The following HPS5 variants were observed in gnomAD, a reference collection of about 807,000 sequenced individuals.
The protein encoded by HPS5 is HPS5 biogenesis of lysosomal organelles complex 2 subunit 2, also known as BLOC-2 complex member HPS5.
A neutral mutation model predicts 128.0 loss-of-function variants in HPS5; 83 were observed. That is an observed-to-expected ratio of 0.65 (90% confidence interval 0.54 to 0.78). The LOEUF is 0.78. HPS5 is among the 30% of genes least tolerant of loss of function. The pLI, the probability that HPS5 is intolerant of heterozygous loss-of-function variation, is 0.00. For synonymous variants in HPS5, 475 were observed against 470.2 expected, an observed-to-expected ratio of 1.01 and a Z score of -0.13; for missense variants, 1,281 against 1,326.2, an observed-to-expected ratio of 0.97 and a Z score of 0.53.
chr11:18,296,800 T>C lies in HPS5; in HGVS notation c.1508A>G (p.Glu503Gly), dbSNP rs1463259855. The change falls in exon 12 of 23, where the codon GAA (glutamate) becomes GGA (glycine). Residue 503 changes from glutamate to glycine, a missense_variant and splice_region_variant. Physicochemically the swap from Glu to Gly is moderately conservative, Grantham distance 98. Transcript: ENST00000349215. The stretch of plus-strand genomic sequence containing the variant: ...CCAACAACAGACACATTCATCACCT[T>C]CATTTCCGTGTGAGCCACAACACTG... ...PDQCCGSHGN[E>G]DNVSHAPVMF... 1 of 1,614,042 alleles carries C rather than the reference T, an allele frequency of 6.2e-7. No homozygotes were observed. Among genetic ancestry groups the C allele is most frequent in the Admixed American group, 1.7e-5 (1 of 60,020 alleles).
Position 18,310,849 on chromosome 11 carries a change from G to A in HPS5, c.369C>T (p.Gly123=). ...CCCAGCAGAGAGCTGTGACTCTTCG[G>A]CCTTTGTGTTCTGAAGACACATACA... The part of the protein sequence containing the change: ...EQMYVSSEHK[G]RRVTALCWDT... The change falls in exon 5 of 23, where the codon GGC becomes GGT. Residue 123 remains glycine (G), a synonymous_variant. Coordinates refer to ENST00000349215, the MANE Select transcript of HPS5 (RefSeq NM_181507.2). 6.2e-7 allele frequency: 1 copy of A among 1,612,570 alleles called. No homozygotes were observed. The highest frequency in any genetic ancestry group is 1.1e-5 in the South Asian group (1 of 90,980).
At chr11:18,283,730 G>A in intron 21 of HPS5, 65 bp downstream of exon 21, 2 of 1,102,334 alleles carry the variant, frequency 1.8e-6, no homozygotes, top group South Asian at 1.3e-5. Flanking sequence ...AAATTTTTTT[G>A]TTGAGAGGTC....
At chr11:18,308,486 GCTCT>G (rs528161802) in intron 6 of HPS5, among the ~76,000 whole-genome samples, 70 of 152,158 alleles carry the variant, frequency 4.6e-4, no homozygotes, top group African/African-American at 1.6e-3. Context: ...CCTCCTCTCT[GCTCT>G]CTAACATCAG....
At chr11:18,306,428 A>G (rs992423254) in intron 6 of HPS5, 81 bp from the exon 7 acceptor site, 7 of 848,606 alleles carry the variant, frequency 8.2e-6, no homozygotes, top group Admixed American at 2.0e-5. Flanking sequence ...CAGCATGGGC[A>G]TAATAACTCC....
chr11:18,318,588 G>A (rs186879322), intron 1 of HPS5, among the ~76,000 whole-genome samples: 67 of 152,248 alleles, frequency 4.4e-4, no homozygotes, highest in Middle Eastern at 3.4e-3. Flanking sequence ...AAAGTAACAC[G>A]AAAGTTTTTA....
rs1862669591 is a variant in HPS5, at chr11:18,309,012, A to G, written c.545T>C (p.Leu182Ser). The change falls in exon 6 of 23, where the codon TTA becomes TCA. Residue 182 changes from leucine to serine, a missense_variant. Transcript: ENST00000349215. ...AAGTAGCCTTCCATCCAAATAATCT[A>G]ACTGTACAACACAGGAGTCAACAGT... ...ITTVDSCVVQ[L>S]DYLDGRLLIS... The G allele has an allele frequency of 6.2e-7, 1 of 1,613,920 alleles. No homozygotes were observed. The highest frequency in any genetic ancestry group is 8.5e-7 in the Non-Finnish European group (1 of 1,179,802).
chr11:18,307,484 A>G (rs1370131337), intron 6 of HPS5, among the ~76,000 whole-genome samples: 2 of 152,166 alleles, frequency 1.3e-5, no homozygotes, highest in Non-Finnish European at 2.9e-5. Context: ...TATATTTTCT[A>G]TGGTACCTAA....
intron 11 of HPS5, 123 bp downstream of exon 11, chr11:18,297,436 C>T: frequency 1.2e-6 from 1 of 857,118 alleles, no homozygotes; most frequent in Non-Finnish European, 1.9e-6. Flanking sequence ...AAAAGTTCAC[C>T]CCTTCCCACC....
chr11:18,292,948 G>A lies in HPS5; in HGVS notation c.1813C>T (p.Pro605Ser), dbSNP rs1201025813. 1.2e-6 allele frequency: 2 copies of A among 1,613,876 alleles called. No homozygotes were observed. The highest frequency in any genetic ancestry group is 1.7e-6 in the Non-Finnish European group (2 of 1,179,916). Residue 605 changes from proline (P) to serine (S), a missense_variant, in exon 15 of 23, where the codon CCA (proline) becomes TCA (serine). By Grantham distance (74) the Pro-to-Ser change is moderately conservative. Coordinates refer to ENST00000349215, the MANE Select transcript of HPS5 (RefSeq NM_181507.2). ...EEEKEVTSPPPEEDRFQELKV... is the reference protein window; with the variant it reads ...EEEKEVTSPPSEEDRFQELKV... ...AGCTCCTGGAACCTGTCTTCTTCTG[G>A]AGGTGGACTAGTTACCTCTTTTTCC...
intron 21 of HPS5, 47 bp from the exon 22 acceptor site, chr11:18,282,267 G>A (rs1376111391): frequency 3.1e-6 from 5 of 1,606,196 alleles, no homozygotes; most frequent in Non-Finnish European, 4.3e-6. Flanking sequence ...TTAGCACACT[G>A]ACTGGATACA....
chr11:18,305,358 G>C, intron 8 of HPS5, 64 bp downstream of exon 8: 1 of 1,102,266 alleles, frequency 9.1e-7, no homozygotes, highest in Non-Finnish European at 1.4e-6. Flanking sequence ...TTCTGAACAA[G>C]AAACAGAGAT....
intron 1 of HPS5, 27 bp from the exon 2 acceptor site, chr11:18,317,934 T>C: frequency 6.7e-7 from 1 of 1,494,016 alleles, no homozygotes. Flanking sequence ...AAAATATAAT[T>C]TAAGAAGCCC....
intron 19 of HPS5, among the ~76,000 whole-genome samples, chr11:18,286,278 C>T (rs1177029224): frequency 3.3e-5 from 5 of 152,210 alleles, no homozygotes; most frequent in Non-Finnish European, 1.5e-5. Context: ...GGCACAGTGG[C>T]TCACGCCTCT....
At chr11:18,282,598 T>C (rs1025475048) in intron 21 of HPS5, among the ~76,000 whole-genome samples, 4 of 151,922 alleles carry the variant, frequency 2.6e-5, no homozygotes, top group African/African-American at 9.7e-5. Context: ...CACTCAGTAA[T>C]TACCCAGGGC....
chr11:18,303,548 C>T (rs1219582888), intron 8 of HPS5, among the ~76,000 whole-genome samples: 2 of 152,196 alleles, frequency 1.3e-5, no homozygotes, highest in African/African-American at 4.8e-5. Context: ...AAAAGAATAA[C>T]TCTACCAGGA....
chr11:18,311,328 CAT>C (rs1216789701), intron 4 of HPS5, 57 bp downstream of exon 4: 62 of 1,211,962 alleles, frequency 5.1e-5, no homozygotes, highest in Middle Eastern at 1.9e-4. Flanking sequence ...CTAACAAACA[CAT>C]GTGTCAATTT....
chr11:18,287,923 T>G lies in HPS5; in HGVS notation c.2531A>C (p.Asp844Ala), dbSNP rs373182503. The change falls in exon 17 of 23, where the codon GAT (aspartate) becomes GCT (alanine). Residue 844 changes from aspartate (D) to alanine (A), a missense_variant. Coordinates refer to ENST00000349215, the MANE Select transcript of HPS5 (RefSeq NM_181507.2). ...LKLLDDEVPF[D>A]SPLLVVYATR... ...AGCATAAACAACCAACAACGGACTA[T>G]CAAAAGGAACCTCGTCATCTAGTAA... 1.3e-5 allele frequency: 21 copies of G among 1,613,938 alleles called. No individual in the cohort carries two copies. The highest frequency in any genetic ancestry group is 1.8e-5 in the Non-Finnish European group (21 of 1,179,994).
chr11:18,292,884 T>C lies in HPS5; in HGVS notation c.1862+15A>G, dbSNP rs1260208151. 1.2e-6 allele frequency: 2 copies of C among 1,600,600 alleles called. No individual in the cohort carries two copies. Among genetic ancestry groups the C allele is most frequent in the Non-Finnish European group, 1.7e-6 (2 of 1,167,710 alleles). The stretch of plus-strand genomic sequence containing the variant: ...GCCTTGAGACGTCACTATAAAAGTT[T>C]CTCATTATACTCACATTGCTTCTGC... On this transcript the variant is annotated intron_variant, in intron 15 of 22. Coordinates refer to ENST00000349215, the MANE Select transcript of HPS5 (RefSeq NM_181507.2).
chr11:18,283,033 G>A (rs1859214296), intron 21 of HPS5, among the ~76,000 whole-genome samples: 1 of 152,128 alleles, frequency 6.6e-6, no homozygotes. Flanking sequence ...ACCAAGTCTT[G>A]CTCTGTTGCC....
Sources: allele counts gnomAD v4.1 joint callset (sites outside exome capture counted in the v4.1 genomes callset), GRCh38; gene constraint gnomAD v4.1.1; transcripts MANE v1.5; gene names NCBI Gene and HGNC (gene_info 2026-07-23, HGNC 2026-07-21).